Variants in GLDC observed in about 807,000 individuals in gnomAD.
GLDC encodes the protein glycine decarboxylase, also known as glycine dehydrogenase (decarboxylating), mitochondrial.
A neutral mutation model predicts 121.3 loss-of-function variants in GLDC; 104 were observed. The ratio of observed to expected loss-of-function variants is 0.86; its 90% CI spans 0.73 to 1.01. The LOEUF (loss-of-function observed/expected upper bound fraction) is 1.01, where lower values mean the gene tolerates loss of function less well. GLDC is among the 50% of genes least tolerant of loss of function. The probability of loss-of-function intolerance (pLI) is 0.00; values close to 1 mark genes in which losing one functional copy is unlikely to be tolerated. For synonymous variants in GLDC, 546 were observed against 480.6 expected (o/e 1.14, Z -1.78); for missense variants, 1,429 against 1,306.6 (o/e 1.09, Z -1.44).
At position 6,602,184 on chromosome 9, in the gene GLDC, C is replaced by A. The variant is rs745502236; in HGVS notation, c.1080G>T (p.Val360=). Residue 360 remains valine (V), a synonymous_variant, in exon 8 of 25, where the codon GTG becomes GTT. Transcript: ENST00000321612. ...GVTRDATGKE[V]YRLALQTREQ... is the part of the protein sequence containing the mutation. ...CCCTGGTTTGAAGAGCAAGACGATA[C>A]ACTTCTTTCCCAGTGGCATCTCTAC... The A allele has an allele frequency of 7.4e-6, 12 of 1,611,564 alleles. No homozygotes were observed. In the Admixed American group the frequency reaches 1.7e-4, roughly 22 times the overall value.
At chr9:6,615,339 G>C (rs1434529054) in intron 3 of GLDC, among the ~76,000 whole-genome samples, 1 of 151,892 alleles carries the variant, frequency 6.6e-6, no homozygotes, top group Non-Finnish European at 1.5e-5. Context: ...ACACCTGTCA[G>C]CACTTTGGGA....
intron 9 of GLDC, 122 bp from the exon 10 acceptor site, chr9:6,593,112 T>C: frequency 1.0e-6 from 1 of 984,448 alleles, no homozygotes; most frequent in Admixed American, 2.0e-5. Flanking sequence ...GGGAGTGCTT[T>C]GGTGATTGCT....
chr9:6,549,203 C>A (rs1380786381), intron 21 of GLDC, among the ~76,000 whole-genome samples: 1 of 152,256 alleles, frequency 6.6e-6, no homozygotes, highest in Non-Finnish European at 1.5e-5. Context: ...CCGCTCTTTA[C>A]AGTGTCTCTC....
chr9:6,598,540 A>G (rs185558659), intron 8 of GLDC, among the ~76,000 whole-genome samples: 206 of 152,364 alleles, frequency 1.4e-3, no homozygotes, highest in African/African-American at 4.7e-3. Flanking sequence ...AATGTGGAAC[A>G]GCTGCTACAA....
chr9:6,602,054 G>T, intron 8 of GLDC, 55 bp downstream of exon 8: 2 of 1,010,972 alleles, frequency 2.0e-6, no homozygotes, highest in Non-Finnish European at 3.2e-6. Flanking sequence ...TGAATGAGTA[G>T]CTCATTTCTG....
At chr9:6,589,365 G>A in intron 11 of GLDC, 73 bp from the exon 12 acceptor site, 2 of 864,340 alleles carry the variant, frequency 2.3e-6, no homozygotes, top group Non-Finnish European at 2.0e-6. Flanking sequence ...AGGCTTCTGG[G>A]TGGCTGGGCC....
intron 15 of GLDC, among the ~76,000 whole-genome samples, chr9:6,586,667 C>G (rs924371519): frequency 6.6e-6 from 1 of 152,142 alleles, no homozygotes; most frequent in Non-Finnish European, 1.5e-5. Flanking sequence ...CCGCAATGAA[C>G]GACATCTACC....
chr9:6,565,534 A>G lies in GLDC; in HGVS notation c.1851-105T>C, dbSNP rs1817839341. The G allele has an allele frequency of 3.6e-6, 3 of 843,168 alleles. No individual in the cohort carries two copies. In the Admixed American group the frequency reaches 5.4e-5, roughly 15 times the overall value. 52.2% of individuals were successfully genotyped at this position (843,168 alleles called of 1,614,324 possible). ...CCAGGGGTTCACCAGCACGTGACAC[A>G]TGGTCACTGTCCAGACGCTGAGAGA... On this transcript the variant is annotated intron_variant, in intron 15 of 24. Coordinates refer to ENST00000321612, the MANE Select transcript of GLDC (RefSeq NM_000170.3).
At chr9:6,612,981 A>T (rs1288928777) in intron 3 of GLDC, among the ~76,000 whole-genome samples, 1 of 152,220 alleles carries the variant, frequency 6.6e-6, no homozygotes, top group African/African-American at 2.4e-5. Flanking sequence ...AAATAAATAC[A>T]TAAAATACAA....
intron 2 of GLDC, chr9:6,622,748 G>A (rs1396327229): frequency 1.5e-4 from 32 of 211,720 alleles, no homozygotes; most frequent in African/African-American, 6.5e-4. Flanking sequence ...GCCCAGTCTG[G>A]AAAGTGAGGA....
chr9:6,541,436 T>C (rs934691975), intron 21 of GLDC: 6 of 152,184 alleles, frequency 3.9e-5, no homozygotes, highest in Non-Finnish European at 5.9e-5. Context: ...AGAGCAAGCA[T>C]AACTTCTCAA....
chr9:6,632,113 C>A (rs1354988790), intron 2 of GLDC, among the ~76,000 whole-genome samples: 1 of 152,060 alleles, frequency 6.6e-6, no homozygotes, highest in Non-Finnish European at 1.5e-5. Context: ...AGAATCACAC[C>A]AAGTAAATTG....
At position 6,645,247 on chromosome 9, in the gene GLDC, C is replaced by G. The variant is rs777360615; in HGVS notation, c.253G>C (p.Ala85Pro). 4 of 1,593,014 alleles carry G rather than the reference C, an allele frequency of 2.5e-6. No homozygotes were observed. Among genetic ancestry groups the G allele is most frequent in the Non-Finnish European group, 3.4e-6 (4 of 1,169,714 alleles). The change falls in exon 1 of 25, where the codon GCG becomes CCG. Residue 85 changes from alanine to proline, a missense_variant and splice_region_variant. Physicochemically the swap from Ala to Pro is conservative, Grantham distance 27 (BLOSUM62 -1). Coordinates refer to ENST00000321612, the MANE Select transcript of GLDC (RefSeq NM_000170.3). ...QREMLQTLGL[A>P]SIDELIEKTV... ...GAGGGCCGGGTGGAGGTCCTTACCG[C>G]CAGCCCCAAGGTCTGCAGCATCTCT...
intron 1 of GLDC, 27 bp downstream of exon 1, chr9:6,645,204 GGCGGAGGGGAGGCC>G (rs1819717473): frequency 1.3e-6 from 2 of 1,540,950 alleles, no homozygotes; most frequent in Non-Finnish European, 8.8e-7. Context: ...GCCCGGGCAG[GGCGGAGGGGAGGCC>G]GCGGAGGGCC....
intron 16 of GLDC, 43 bp downstream of exon 16, chr9:6,565,311 C>G: frequency 7.2e-7 from 1 of 1,393,192 alleles, no homozygotes; most frequent in Non-Finnish European, 1.0e-6. Flanking sequence ...GCCAGGACCT[C>G]TGTGCCCCAT....
intron 2 of GLDC, among the ~76,000 whole-genome samples, chr9:6,632,385 TC>T (rs765106556): frequency 3.3e-5 from 5 of 152,208 alleles, no homozygotes; most frequent in South Asian, 2.1e-4. Flanking sequence ...ATTTCAGACT[TC>T]CCAAAATTTT....
intron 15 of GLDC, among the ~76,000 whole-genome samples, chr9:6,583,076 G>C (rs1197892843): frequency 6.6e-6 from 1 of 152,116 alleles, no homozygotes; most frequent in Non-Finnish European, 1.5e-5. Flanking sequence ...AATGTTGGTG[G>C]GGGACGTGGA....
Position 6,605,262 on chromosome 9 carries a change from T to A in GLDC, c.730A>T (p.Thr244Ser). The change falls in exon 6 of 25, where the codon ACT becomes TCT. Residue 244 changes from threonine to serine, a missense_variant. Physicochemically the swap from Thr to Ser is moderately conservative, Grantham distance 58 (BLOSUM62 1). Transcript: ENST00000321612. ...QTRAKYTGVL[T>S]ELKLPCEMDF... The stretch of plus-strand genomic sequence containing the variant: ...ATTTCACAGGGTAACTTCAGCTCAG[T>A]GAGGACTCCAGTATATCTGGAAAGA... The A allele has an allele frequency of 6.2e-7, 1 of 1,613,982 alleles. No homozygotes were observed. The highest frequency in any genetic ancestry group is 8.5e-7 in the Non-Finnish European group (1 of 1,179,882).
chr9:6,607,456 G>A (rs7031981), intron 4 of GLDC, among the ~76,000 whole-genome samples: 34,114 of 151,580 alleles, frequency 0.23, 4,131 homozygotes, highest in Admixed American at 0.3. Flanking sequence ...GGTGGTGCAC[G>A]CCTGTAATCC....
Sources: gnomAD v4.1 joint callset for allele counts (sites outside exome capture counted in the v4.1 genomes callset) on GRCh38, gnomAD v4.1.1 for gene constraint, MANE v1.5 for transcripts, NCBI Gene and HGNC (gene_info 2026-07-23, HGNC 2026-07-21) for gene names.